HTR4: variants seen among roughly 807,000 people sequenced by gnomAD.
HTR4 encodes the protein 5-hydroxytryptamine (serotonin) receptor 4, G protein-coupled.
Under a neutral mutation model 36.8 loss-of-function variants are expected in HTR4, and 16 were observed. That is an observed-to-expected ratio of 0.43 (90% CI 0.29 to 0.66). The LOEUF (loss-of-function observed/expected upper bound fraction) is 0.66. Among genes scored for constraint, HTR4 ranks in the 30% least tolerant of loss-of-function variants. The pLI, the probability that HTR4 is intolerant of heterozygous loss-of-function variation, is 0.13. For missense variants in HTR4, 438 were observed against 490.9 expected (o/e 0.89, Z 1.02); for synonymous variants, 189 against 185.1 (o/e 1.02, Z -0.17).
rs5872086 is a variant in HTR4, at chr5:148,609,581, GTT to G, written c.26+27406_26+27407del. On this transcript the variant is annotated intron_variant, in intron 2 of 6. Coordinates refer to ENST00000377888, the MANE Select transcript of HTR4 (RefSeq NM_000870.7). ...GCTTGTGTATAAGGAATTTTTAAGGGTTTTTTTTTTTTTTTGAGACTCCGCCC... is the reference window on the plus strand; with the variant it reads ...GCTTGTGTATAAGGAATTTTTAAGGGTTTTTTTTTTTTTGAGACTCCGCCC... Among the ~76,000 whole-genome samples, 650 of 143,346 alleles carry G rather than the reference GTT, an allele frequency of 4.5e-3. 11 individuals are homozygous for G. Among genetic ancestry groups the G allele is most frequent in the African/African-American group, 0.015 (583 of 38,888 alleles). 94.0% of individuals were successfully genotyped at this position (143,346 alleles called of 152,430 possible).
chr5:148,492,654 T>C (rs900878385), intron 6 of HTR4, among the ~76,000 whole-genome samples: 3 of 152,244 alleles, frequency 2.0e-5, no homozygotes, highest in Non-Finnish European at 4.4e-5. Context: ...TTCTGTGTAA[T>C]AGGAACTGGC....
chr5:148,556,121 TC>T (rs1269639623), intron 2 of HTR4, among the ~76,000 whole-genome samples: 2 of 152,192 alleles, frequency 1.3e-5, no homozygotes, highest in Non-Finnish European at 2.9e-5. Flanking sequence ...CCTCCTGGGT[TC>T]AAGTGATTCT....
intron 2 of HTR4, among the ~76,000 whole-genome samples, chr5:148,560,207 A>T (rs1162519543): frequency 6.2e-3 from 260 of 42,034 alleles, no homozygotes; most frequent in Middle Eastern, 0.02. Flanking sequence ...TTTTTTTTTA[A>T]AAAAAAAAAA....
chr5:148,616,484 T>A (rs1413799508), intron 2 of HTR4, among the ~76,000 whole-genome samples: 1 of 152,188 alleles, frequency 6.6e-6, no homozygotes, highest in African/African-American at 2.4e-5. Flanking sequence ...CAAGGGCATG[T>A]TCTATCTGCT....
chr5:148,582,396 C>T (rs6892904), intron 2 of HTR4, among the ~76,000 whole-genome samples: 35,861 of 151,624 alleles, frequency 0.24, 5,191 homozygotes, highest in African/African-American at 0.4. Flanking sequence ...GATCTCATTA[C>T]CCTGATATTG....
intron 5 of HTR4, among the ~76,000 whole-genome samples, chr5:148,459,964 A>G (rs1581334407): frequency 6.6e-6 from 1 of 152,330 alleles, no homozygotes; most frequent in East Asian, 1.9e-4. Flanking sequence ...GAAAGAACCA[A>G]GTAGAAATGT....
At chr5:148,568,793 C>G (rs1375816058) in intron 2 of HTR4, among the ~76,000 whole-genome samples, 3 of 152,076 alleles carry the variant, frequency 2.0e-5, no homozygotes, top group African/African-American at 7.2e-5. Flanking sequence ...TTTAACATAT[C>G]TATTCTAGGG....
At chr5:148,616,808 C>T (rs1037286496) in intron 2 of HTR4, among the ~76,000 whole-genome samples, 2 of 152,062 alleles carry the variant, frequency 1.3e-5, no homozygotes, top group Non-Finnish European at 2.9e-5. Flanking sequence ...TTATAACTTA[C>T]CTTATAAACT....
chr5:148,566,443 G>C (rs932364933), intron 2 of HTR4, among the ~76,000 whole-genome samples: 1 of 152,142 alleles, frequency 6.6e-6, no homozygotes, highest in South Asian at 2.1e-4. Context: ...AGCTTGACAG[G>C]GAAGCAACAG....
In HTR4 at chr5:148,508,664, C is replaced by A. The variant is rs758967792; in HGVS notation, c.1076+792G>T. On this transcript the variant is annotated intron_variant, in intron 6 of 6. Transcript: ENST00000377888. ...CAAATCAGCTTCCTTTCCTTTCTAC[C>A]CCAATTCTAGATTGCCCATACATCC... Among the ~76,000 whole-genome samples the A allele has an allele frequency of 3.3e-5, 5 of 152,132 alleles. No individual in the cohort carries two copies. The East Asian group carries it at 9.6e-4, about 29-fold the overall frequency.
At chr5:148,640,892 G>A (rs936105718) in intron 1 of HTR4, among the ~76,000 whole-genome samples, 2 of 152,174 alleles carry the variant, frequency 1.3e-5, no homozygotes, top group African/African-American at 4.8e-5. Flanking sequence ...CATATAGATT[G>A]TTACATTTTT....
At chr5:148,559,128 T>A (rs184613795) in intron 2 of HTR4, among the ~76,000 whole-genome samples, 3 of 152,192 alleles carry the variant, frequency 2.0e-5, no homozygotes, top group African/African-American at 7.2e-5. Flanking sequence ...TGATTGAGAG[T>A]TGGAGCTCAC....
chr5:148,570,258 C>T (rs1760620848), intron 2 of HTR4, among the ~76,000 whole-genome samples: 1 of 152,114 alleles, frequency 6.6e-6, no homozygotes, highest in Non-Finnish European at 1.5e-5. Flanking sequence ...ATGCACTCAA[C>T]AGAGTATTTG....
intron 2 of HTR4, among the ~76,000 whole-genome samples, chr5:148,609,753 A>G (rs1752332528): frequency 6.6e-6 from 1 of 151,770 alleles, no homozygotes. Context: ...TTTTTAGTAG[A>G]GACGGGGTTT....
At chr5:148,478,465 G>A (rs1755769347), downstream of HTR4, among the ~76,000 whole-genome samples, 1 of 152,180 alleles carries the variant, frequency 6.6e-6, no homozygotes, top group Non-Finnish European at 1.5e-5. Context: ...AATGGAGGAA[G>A]AGATTTTCTA....
intron 4 of HTR4, among the ~76,000 whole-genome samples, chr5:148,532,804 G>T (rs1247133127): frequency 6.6e-6 from 1 of 152,206 alleles, no homozygotes; most frequent in Non-Finnish European, 1.5e-5. Flanking sequence ...CAGAGCAGTG[G>T]TTCTCAAATT....
intron 1 of HTR4, among the ~76,000 whole-genome samples, chr5:148,652,322 A>G (rs1044953157): frequency 6.6e-6 from 1 of 152,206 alleles, no homozygotes; most frequent in Non-Finnish European, 1.5e-5. Flanking sequence ...AGGAATAAAA[A>G]GGTGACTTCA....
chr5:148,564,732 G>T (rs964561502), intron 2 of HTR4, among the ~76,000 whole-genome samples: 1 of 152,126 alleles, frequency 6.6e-6, no homozygotes, highest in Non-Finnish European at 1.5e-5. Context: ...AATATCAGAA[G>T]CCTTTCCCAC....
chr5:148,497,459 A>C (rs1330509582), intron 6 of HTR4, among the ~76,000 whole-genome samples: 2 of 152,136 alleles, frequency 1.3e-5, no homozygotes, highest in Non-Finnish European at 2.9e-5. Flanking sequence ...CTCTTTTTCC[A>C]GTTTTTTTAT....
Sources: gnomAD v4.1 joint callset for allele counts (sites outside exome capture counted in the v4.1 genomes callset) on GRCh38, gnomAD v4.1.1 for gene constraint, MANE v1.5 for transcripts, NCBI Gene and HGNC (gene_info 2026-07-23, HGNC 2026-07-21) for gene names.